CTNNA2: variants seen among roughly 807,000 people sequenced by gnomAD.
CTNNA2 encodes catenin alpha-2.
Under a neutral mutation model 101.0 loss-of-function variants are expected in CTNNA2, and 42 were observed. The ratio of observed to expected loss-of-function variants is 0.42; its 90% confidence interval spans 0.32 to 0.54. CTNNA2 has a LOEUF of 0.54. Among genes scored for constraint, CTNNA2 ranks in the 20% least tolerant of loss-of-function variants. The pLI is 0.14. For missense variants in CTNNA2, 871 were observed against 1,223.1 expected (o/e 0.71, Z 4.29); for synonymous variants, 450 against 456.4 (o/e 0.99, Z 0.18).
At chr2:79,220,719 GA>G (rs924556787) in intron 2 of CTNNA2, among the ~76,000 whole-genome samples, 3 of 151,986 alleles carry the variant, frequency 2.0e-5, no homozygotes, top group Admixed American at 6.5e-5. Context: ...CTGGGAAATT[GA>G]AAAAAAGTAT....
At chr2:79,514,845 C>A (rs1456492935) in intron 1 of CTNNA2, among the ~76,000 whole-genome samples, 1 of 152,168 alleles carries the variant, frequency 6.6e-6, no homozygotes, top group Non-Finnish European at 1.5e-5. Context: ...ATGGTGGATT[C>A]TTTGAAGTTG....
chr2:80,405,650 A>G (rs1397727641), intron 8 of CTNNA2, among the ~76,000 whole-genome samples: 2 of 152,200 alleles, frequency 1.3e-5, no homozygotes, highest in Non-Finnish European at 2.9e-5. Flanking sequence ...ATCGTAAGGG[A>G]AAAAACTTAA....
rs569450705 is a variant in CTNNA2 at position 79,220,164 on chromosome 2, A to G, written c.-406+22088A>G. On this transcript the variant is annotated intron_variant, in intron 2 of 21. Coordinates refer to the CTNNA2 transcript ENST00000466387. ...CTCAAAATTGGCCGTATATATATGT[A>G]TGTGTGTGTGTGTATATATATATGT... Among the ~76,000 whole-genome samples the G allele has an allele frequency of 2.7e-3, 402 of 151,432 alleles. 4 individuals carry two copies. The highest frequency in any genetic ancestry group is 9.3e-3 in the African/African-American group (385 of 41,304).
chr2:79,227,222 C>G (rs1674428051), intron 2 of CTNNA2, among the ~76,000 whole-genome samples: 1 of 152,070 alleles, frequency 6.6e-6, no homozygotes, highest in African/African-American at 2.4e-5. Context: ...TTTGTCCAGA[C>G]AGGACAAACG....
chr2:79,737,521 G>C lies in CTNNA2; in HGVS notation c.103-6866G>C, dbSNP rs998873256. Among the ~76,000 whole-genome samples, 8 of 152,124 alleles carry C rather than the reference G, an allele frequency of 5.3e-5. No homozygotes were observed. The South Asian group carries it at 8.3e-4, about 16-fold the overall frequency. ...ACCTGATCAGAAGCTCTGTGGGTAG[G>C]GTCCAGAAATTTGCCTTCTTACAGG... On this transcript the variant is annotated intron_variant, in intron 2 of 18. Coordinates refer to ENST00000402739, the MANE Select transcript of CTNNA2 (RefSeq NM_001282597.3).
At chr2:79,531,219 T>C (rs868751854) in intron 1 of CTNNA2, among the ~76,000 whole-genome samples, 1,611 of 120,580 alleles carry the variant, frequency 0.013, 26 homozygotes, top group Non-Finnish European at 0.021. Context: ...TATATATATA[T>C]ATATATATAT....
At chr2:79,991,144 G>A (rs903112740) in intron 7 of CTNNA2, among the ~76,000 whole-genome samples, 1 of 151,952 alleles carries the variant, frequency 6.6e-6, no homozygotes. Context: ...TTTTTATTGT[G>A]TCTATTTGAT....
chr2:80,576,209 T>C (rs1695027736), intron 13 of CTNNA2: 1 of 152,114 alleles, frequency 6.6e-6, no homozygotes, highest in Non-Finnish European at 1.5e-5. Flanking sequence ...ATCTTGTCTC[T>C]TGGCAGTCAA....
At chr2:80,219,490 A>G (rs1708455013) in intron 7 of CTNNA2, among the ~76,000 whole-genome samples, 1 of 152,142 alleles carries the variant, frequency 6.6e-6, no homozygotes, top group Non-Finnish European at 1.5e-5. Flanking sequence ...TGAGGATCAA[A>G]GTTTCTAATT....
intron 18 of CTNNA2, among the ~76,000 whole-genome samples, chr2:80,630,230 T>G (rs1289338806): frequency 6.6e-6 from 1 of 152,176 alleles, no homozygotes; most frequent in African/African-American, 2.4e-5. Context: ...CAAGGTAAAA[T>G]GGCTTTCACT....
intron 7 of CTNNA2, among the ~76,000 whole-genome samples, chr2:80,095,264 G>A (rs1700072697): frequency 1.3e-5 from 2 of 152,152 alleles, no homozygotes; most frequent in Admixed American, 6.5e-5. Context: ...AGATAATCAT[G>A]TGGTTTTTGT....
At chr2:80,048,412 C>A (rs1214439084) in intron 7 of CTNNA2, among the ~76,000 whole-genome samples, 1 of 152,068 alleles carries the variant, frequency 6.6e-6, no homozygotes, top group Admixed American at 6.6e-5. Context: ...AATATAAAGT[C>A]TTTAATTGGG....
At chr2:80,151,381 A>T (rs1181629926) in intron 7 of CTNNA2, among the ~76,000 whole-genome samples, 1 of 152,080 alleles carries the variant, frequency 6.6e-6, no homozygotes, top group East Asian at 1.9e-4. Flanking sequence ...GAGTCCTTTG[A>T]TGAGGAGTTC....
chr2:80,548,443 T>C (rs767701572), intron 11 of CTNNA2, among the ~76,000 whole-genome samples: 17 of 152,192 alleles, frequency 1.1e-4, no homozygotes, highest in East Asian at 3.8e-4. Context: ...ACTTTTTCAA[T>C]AGGACAAAGC....
intron 2 of CTNNA2, among the ~76,000 whole-genome samples, chr2:79,280,204 A>G (rs903158129): frequency 6.6e-6 from 1 of 152,142 alleles, no homozygotes; most frequent in African/African-American, 2.4e-5. Flanking sequence ...TTCCTCTTAT[A>G]TACCCATAAT....
At chr2:79,561,229 C>T (rs958504757) in intron 1 of CTNNA2, among the ~76,000 whole-genome samples, 11 of 151,888 alleles carry the variant, frequency 7.2e-5, no homozygotes, top group South Asian at 2.1e-4. Flanking sequence ...TTTTGAGGCT[C>T]ATCAATGTTG....
chr2:80,358,816 A>G (rs1405517500), intron 7 of CTNNA2, among the ~76,000 whole-genome samples: 1 of 152,132 alleles, frequency 6.6e-6, no homozygotes, highest in Non-Finnish European at 1.5e-5. Context: ...AACATTGTAA[A>G]ATAAAACTCT....
At chr2:80,589,244 A>G (rs1573377577) in intron 14 of CTNNA2, 60 bp from the exon 15 acceptor site, 1 of 1,553,070 alleles carries the variant, frequency 6.4e-7, no homozygotes, top group South Asian at 1.2e-5. Context: ...AGGCAGAGTC[A>G]ACATACGGTC....
rs192382534 is a variant in CTNNA2 at position 80,532,583 on chromosome 2, C to T, written c.1291-12399C>T. Among the ~76,000 whole-genome samples, 373 of 152,184 alleles carry T rather than the reference C, an allele frequency of 2.5e-3. 3 individuals are homozygous for T. The highest frequency in any genetic ancestry group is 7.8e-3 in the African/African-American group (323 of 41,538). Reference sequence around the variant, plus strand: ...TAGTTATTGTCAATCTCTTACTGTTCCCAGGTTACAAATTAAACTTTATCG... The same window carrying T: ...TAGTTATTGTCAATCTCTTACTGTTTCCAGGTTACAAATTAAACTTTATCG... On this transcript the variant is annotated intron_variant, in intron 9 of 18. Transcript: ENST00000402739.
Sources: allele counts gnomAD v4.1 joint callset (sites outside exome capture counted in the v4.1 genomes callset), GRCh38; gene constraint gnomAD v4.1.1; transcripts MANE v1.5; gene names NCBI Gene and HGNC (gene_info 2026-07-23, HGNC 2026-07-21).